PIGL: variants seen among roughly 807,000 people sequenced by gnomAD.
The protein encoded by PIGL is phosphatidylinositol glycan anchor biosynthesis class L.
A neutral mutation model predicts 31.1 loss-of-function variants in PIGL; 22 were observed. The observed-to-expected ratio is 0.71, with a 90% CI of 0.51 to 1.01. The LOEUF (loss-of-function observed/expected upper bound fraction) is 1.01, where lower values mean the gene tolerates loss of function less well. PIGL is among the 50% of genes least tolerant of loss of function. The probability of loss-of-function intolerance (pLI) is 0.00; values close to 1 mark genes in which losing one functional copy is unlikely to be tolerated. For synonymous variants in PIGL, 131 were observed against 117.4 expected, an observed-to-expected ratio of 1.12 and a Z score of -0.75; for missense variants, 302 against 315.9, an observed-to-expected ratio of 0.96 and a Z score of 0.33.
intron 1 of PIGL, among the ~76,000 whole-genome samples, chr17:16,221,566 C>G (rs933546098): frequency 7.2e-5 from 11 of 152,032 alleles, no homozygotes; most frequent in Admixed American, 1.3e-4. Flanking sequence ...TCTCCTGCCT[C>G]AGCCTCCCAA....
intron 2 of PIGL, among the ~76,000 whole-genome samples, chr17:16,274,578 C>T (rs1446682563): frequency 6.6e-6 from 1 of 151,448 alleles, no homozygotes; most frequent in Admixed American, 6.6e-5. Flanking sequence ...CTAAAATTAG[C>T]CGGGCGTGGT....
chr17:16,320,938 T>G, intron 6 of PIGL, among the ~76,000 whole-genome samples: 1 of 137,474 alleles, frequency 7.3e-6, no homozygotes, highest in East Asian at 2.1e-4. Context: ...CCTGGCCATT[T>G]TTTTTTTTTT....
At position 16,277,098 on chromosome 17, in the gene PIGL, G is replaced by A. The variant is rs1424712656; in HGVS notation, c.336-22790G>A. Among the ~76,000 whole-genome samples, 4 of 152,164 alleles carry A rather than the reference G, an allele frequency of 2.6e-5. No homozygotes were observed. In the East Asian group the frequency reaches 7.7e-4, roughly 29 times the overall value. On this transcript the variant is annotated intron_variant, in intron 2 of 6. Transcript: ENST00000225609. ...GGGGCTCCTGGACTTGTCATAAAGT[G>A]ACATTCTTTACTTACCACAGGTCAA... is the stretch of plus-strand genomic sequence containing the variant.
At chr17:16,318,093 C>CT (rs1017921579) in intron 6 of PIGL, among the ~76,000 whole-genome samples, 185 bp downstream of exon 6, 10 of 151,876 alleles carry the variant, frequency 6.6e-5, no homozygotes, top group Non-Finnish European at 1.3e-4. Flanking sequence ...TGACTTTAGC[C>CT]TTTTTTTTCT....
At chr17:16,248,390 G>A (rs2092757703) in intron 2 of PIGL, among the ~76,000 whole-genome samples, 2 of 152,140 alleles carry the variant, frequency 1.3e-5, no homozygotes, top group Non-Finnish European at 2.9e-5. Context: ...TCCTTCAGAA[G>A]TTCTATCTTC....
intron 2 of PIGL, among the ~76,000 whole-genome samples, chr17:16,259,555 C>T (rs966623406): frequency 6.6e-6 from 1 of 152,028 alleles, no homozygotes; most frequent in Admixed American, 6.6e-5. Flanking sequence ...AGCTGGACTC[C>T]TCCCTCACAC....
chr17:16,286,903 A>G (rs1257997353), intron 2 of PIGL, among the ~76,000 whole-genome samples: 1 of 152,160 alleles, frequency 6.6e-6, no homozygotes, highest in African/African-American at 2.4e-5. Context: ...TTCCCGCAGC[A>G]AACTGCTCAT....
intron 2 of PIGL, among the ~76,000 whole-genome samples, chr17:16,241,272 C>T (rs977368663): frequency 6.6e-6 from 1 of 151,650 alleles, no homozygotes; most frequent in African/African-American, 2.4e-5. Flanking sequence ...AATTAGGCAT[C>T]TTTAGCATAT....
chr17:16,249,104 G>A (rs924470786), intron 2 of PIGL, among the ~76,000 whole-genome samples: 2 of 152,190 alleles, frequency 1.3e-5, no homozygotes, highest in Non-Finnish European at 2.9e-5. Context: ...GCTTTCTGTG[G>A]TTTCGGTTAC....
At chr17:16,244,451 T>C (rs2092735797) in intron 2 of PIGL, among the ~76,000 whole-genome samples, 1 of 152,194 alleles carries the variant, frequency 6.6e-6, no homozygotes, top group Non-Finnish European at 1.5e-5. Context: ...GTAATCGTGT[T>C]TTTTCTCAGG....
At chr17:16,250,232 G>A (rs2092765495) in intron 2 of PIGL, among the ~76,000 whole-genome samples, 2 of 152,138 alleles carry the variant, frequency 1.3e-5, no homozygotes, top group Non-Finnish European at 2.9e-5. Flanking sequence ...TTACAGGCAT[G>A]AGCCACCATG....
At chr17:16,251,636 T>C in intron 2 of PIGL, among the ~76,000 whole-genome samples, 1 of 150,074 alleles carries the variant, frequency 6.7e-6, no homozygotes, top group East Asian at 1.9e-4. Flanking sequence ...AAGACCACTA[T>C]ATGGGGACTT....
At chr17:16,270,387 T>C (rs554028264) in intron 2 of PIGL, among the ~76,000 whole-genome samples, 2 of 152,002 alleles carry the variant, frequency 1.3e-5, no homozygotes, top group Non-Finnish European at 2.9e-5. Flanking sequence ...CGTGTTCTAA[T>C]TTTGCAGTTT....
chr17:16,235,918 C>G (rs2092698103), intron 2 of PIGL, among the ~76,000 whole-genome samples: 1 of 152,030 alleles, frequency 6.6e-6, no homozygotes, highest in South Asian at 2.1e-4. Flanking sequence ...GTTCAGATGG[C>G]AATGACTCCC....
At chr17:16,219,061 A>G (rs575761994) in intron 1 of PIGL, among the ~76,000 whole-genome samples, 93 of 126,154 alleles carry the variant, frequency 7.4e-4, no homozygotes, top group African/African-American at 2.7e-3. Flanking sequence ...GACATTTTTT[A>G]TAAATTTTTT....
Position 16,258,103 on chromosome 17 carries a change from AAGAG to A in PIGL, c.335+24051_335+24054del, listed in dbSNP as rs1229169258. ...AGAGAGAGAGAGAGAGAGAGAGAGA[AAGAG>A]AGAGAGAGAGAGAGAGAAAGAGAGA... On this transcript the variant is annotated intron_variant, in intron 2 of 6. Coordinates refer to ENST00000225609, the MANE Select transcript of PIGL (RefSeq NM_004278.4). Among the ~76,000 whole-genome samples, 317 of 65,704 alleles carry A rather than the reference AAGAG, an allele frequency of 4.8e-3. 13 individuals are homozygous for A. In the East Asian group the frequency reaches 0.1, roughly 21 times the overall value. The allele number at this position is 65,704 out of a possible 152,430, so 43.1% of individuals were successfully genotyped here.
At chr17:16,283,563 G>A (rs2092925284) in intron 2 of PIGL, among the ~76,000 whole-genome samples, 2 of 152,174 alleles carry the variant, frequency 1.3e-5, no homozygotes, top group Non-Finnish European at 2.9e-5. Context: ...GCTCACACCT[G>A]TAATCTGAGC....
rs1346830060 is a variant in PIGL at position 16,317,766 on chromosome 17, T to A, written c.527-9T>A. 1 of 1,613,676 alleles carries A rather than the reference T, an allele frequency of 6.2e-7. No individual in the cohort carries two copies. Among genetic ancestry groups the A allele is most frequent in the Admixed American group, 1.7e-5 (1 of 60,030 alleles). ...GCTTATCACTTCACCCTGTCTCCTCTCCATCCAGGGTGCTCTGTGCTCACG... is the reference window on the plus strand; with the variant it reads ...GCTTATCACTTCACCCTGTCTCCTCACCATCCAGGGTGCTCTGTGCTCACG... On this transcript the variant is annotated splice_polypyrimidine_tract_variant and intron_variant, in intron 5 of 6. Coordinates refer to ENST00000225609, the MANE Select transcript of PIGL (RefSeq NM_004278.4).
At chr17:16,300,683 A>G (rs2142836929) in intron 3 of PIGL, among the ~76,000 whole-genome samples, 1 of 149,202 alleles carries the variant, frequency 6.7e-6, no homozygotes, top group East Asian at 2.0e-4. Flanking sequence ...CTGTCTCAGA[A>G]AAAAAAAAAA....
Sources: allele counts gnomAD v4.1 joint callset (sites outside exome capture counted in the v4.1 genomes callset), GRCh38; gene constraint gnomAD v4.1.1; transcripts MANE v1.5; gene names NCBI Gene and HGNC (gene_info 2026-07-23, HGNC 2026-07-21).